NRG1: variants seen among roughly 807,000 people sequenced by gnomAD.
The protein encoded by NRG1 is neuregulin 1, also known as pro-neuregulin-1, membrane-bound isoform.
NRG1 carries 18 observed loss-of-function variants against 63.8 expected under a neutral mutation model. The ratio of observed to expected loss-of-function variants is 0.28; its 90% CI spans 0.19 to 0.42. The LOEUF (loss-of-function observed/expected upper bound fraction) is 0.42, where lower values mean the gene tolerates loss of function less well. NRG1 is among the 10% of genes least tolerant of loss of function. NRG1 has a pLI of 1.00. For missense variants in NRG1, 762 were observed against 814.7 expected (o/e 0.94, Z 0.79); for synonymous variants, 302 against 301.3 (o/e 1.00, Z -0.02).
chr8:31,787,616 C>G (rs1820302224), intron 1 of NRG1, among the ~76,000 whole-genome samples: 2 of 152,150 alleles, frequency 1.3e-5, no homozygotes, highest in South Asian at 4.1e-4. Context: ...GGACCAACAA[C>G]AGTGTTTATT....
At chr8:32,364,209 A>G (rs1807645838) in intron 1 of NRG1, among the ~76,000 whole-genome samples, 1 of 151,586 alleles carries the variant, frequency 6.6e-6, no homozygotes, top group Admixed American at 6.6e-5. Flanking sequence ...ATGATAGATC[A>G]GTGAATAGAT....
At chr8:32,737,969 G>A (rs1472444008) in intron 6 of NRG1, among the ~76,000 whole-genome samples, 2 of 152,022 alleles carry the variant, frequency 1.3e-5, no homozygotes, top group African/African-American at 4.8e-5. Flanking sequence ...CACCACACCT[G>A]GCCTGAAAGT....
chr8:32,065,981 C>T (rs1824737896), intron 1 of NRG1, among the ~76,000 whole-genome samples: 1 of 152,192 alleles, frequency 6.6e-6, no homozygotes, highest in African/African-American at 2.4e-5. Context: ...GCATAAATGT[C>T]TTCTTTTGAG....
intron 1 of NRG1, among the ~76,000 whole-genome samples, chr8:31,801,942 G>T (rs1821832528): frequency 2.0e-5 from 3 of 152,290 alleles, no homozygotes; most frequent in African/African-American, 4.8e-5. Flanking sequence ...TCACTAGAAA[G>T]ACATGATCTG....
chr8:32,258,093 C>T (rs985034885), intron 1 of NRG1, among the ~76,000 whole-genome samples: 4 of 152,152 alleles, frequency 2.6e-5, no homozygotes, highest in African/African-American at 9.7e-5. Flanking sequence ...ATGACTGTGT[C>T]GACCTCTGGA....
At chr8:32,390,088 T>G (rs1008088517) in intron 1 of NRG1, among the ~76,000 whole-genome samples, 1 of 152,178 alleles carries the variant, frequency 6.6e-6, no homozygotes, top group Non-Finnish European at 1.5e-5. Context: ...GTCATTTTTT[T>G]CCCTCCCCTT....
chr8:32,048,446 C>CATATATATATATATATATATAT (rs869311093), intron 1 of NRG1, among the ~76,000 whole-genome samples: 1 of 6,712 alleles, frequency 1.5e-4, no homozygotes, highest in African/African-American at 1.7e-4. Context: ...TATATACATA[C>CATATATATATATATATATATAT]ATATATATAT....
chr8:32,146,507 T>TA (rs1025805376), intron 1 of NRG1, among the ~76,000 whole-genome samples: 1 of 152,246 alleles, frequency 6.6e-6, no homozygotes, highest in South Asian at 2.1e-4. Context: ...CTAATCAATG[T>TA]AAAAAAATTA....
At chr8:32,001,899 AACAT>A (rs777802606) in intron 1 of NRG1, among the ~76,000 whole-genome samples, 7 of 152,066 alleles carry the variant, frequency 4.6e-5, no homozygotes, top group African/African-American at 7.2e-5. Context: ...ACTCCGCCTG[AACAT>A]CATTGACTTT....
At chr8:32,153,541 G>A (rs1038379176) in intron 1 of NRG1, among the ~76,000 whole-genome samples, 2 of 152,184 alleles carry the variant, frequency 1.3e-5, no homozygotes, top group African/African-American at 4.8e-5. Context: ...ATGTCAACCA[G>A]TAACTCCCTG....
At chr8:31,653,171 T>C (rs1455815535) in intron 1 of NRG1, among the ~76,000 whole-genome samples, 1 of 152,000 alleles carries the variant, frequency 6.6e-6, no homozygotes, top group Non-Finnish European at 1.5e-5. Context: ...GATCTTCATT[T>C]TGTATTTTCT....
chr8:31,780,840 G>T (rs1361117839), intron 1 of NRG1, among the ~76,000 whole-genome samples: 2 of 152,126 alleles, frequency 1.3e-5, no homozygotes, highest in African/African-American at 4.8e-5. Flanking sequence ...CACCACAGAG[G>T]TATGCATCTT....
intron 1 of NRG1, among the ~76,000 whole-genome samples, chr8:32,242,278 AC>A (rs1848176122): frequency 6.6e-6 from 1 of 152,088 alleles, no homozygotes; most frequent in African/African-American, 2.4e-5. Flanking sequence ...GTTCGAGACC[AC>A]CCTGACCAAC....
chr8:32,307,682 C>T (rs1167603232), intron 1 of NRG1, among the ~76,000 whole-genome samples: 4 of 151,744 alleles, frequency 2.6e-5, no homozygotes, highest in Non-Finnish European at 5.9e-5. Flanking sequence ...TCCTCAAGAA[C>T]AGTCTAGATT....
chr8:32,211,886 T>C (rs1844737646), intron 1 of NRG1, among the ~76,000 whole-genome samples: 1 of 152,168 alleles, frequency 6.6e-6, no homozygotes, highest in Admixed American at 6.5e-5. Flanking sequence ...AGAAAAATAC[T>C]GTTTTCTCCT....
intron 1 of NRG1, among the ~76,000 whole-genome samples, chr8:31,849,873 G>T (rs1827048982): frequency 1.3e-5 from 2 of 152,092 alleles, no homozygotes; most frequent in African/African-American, 4.8e-5. Context: ...TTTTGAATTT[G>T]TCTCTGAGCA....
intron 1 of NRG1, among the ~76,000 whole-genome samples, chr8:32,253,871 G>A (rs1330879382): frequency 6.6e-6 from 1 of 152,126 alleles, no homozygotes; most frequent in African/African-American, 2.4e-5. Context: ...TTCAGAACTT[G>A]TTATTGGTCT....
intron 1 of NRG1, among the ~76,000 whole-genome samples, chr8:32,394,269 G>T (rs1812157426): frequency 6.6e-6 from 1 of 152,158 alleles, no homozygotes; most frequent in African/African-American, 2.4e-5. Context: ...ATGCTGAGTA[G>T]CTGGTTTATA....
At chr8:32,277,632 G>C (rs1414052088) in intron 1 of NRG1, among the ~76,000 whole-genome samples, 1 of 152,076 alleles carries the variant, frequency 6.6e-6, no homozygotes, top group African/African-American at 2.4e-5. Flanking sequence ...CTTAACCAGG[G>C]GTGATTTTGC....
Sources: allele counts gnomAD v4.1 joint callset (sites outside exome capture counted in the v4.1 genomes callset), GRCh38; gene constraint gnomAD v4.1.1; transcripts MANE v1.5; gene names NCBI Gene and HGNC (gene_info 2026-07-23, HGNC 2026-07-21).